The following MAP4K3 variants were observed in gnomAD, a reference collection of about 807,000 sequenced individuals.
MAP4K3 encodes the protein mitogen-activated protein kinase kinase kinase kinase 3, also known as MAPK/ERK kinase kinase kinase 3.
A neutral mutation model predicts 143.5 loss-of-function variants in MAP4K3; 94 were observed. That is an observed-to-expected ratio of 0.65 (90% CI 0.55 to 0.78). MAP4K3 has a LOEUF of 0.78. Ranked by LOEUF, MAP4K3 falls within the 30% of genes least tolerant of loss-of-function variation. The pLI is 0.00. For missense variants in MAP4K3, 1,077 were observed against 1,068.1 expected (o/e 1.01, Z -0.12); for synonymous variants, 416 against 347.2 (o/e 1.20, Z -2.20).
chr2:39,271,113 T>A (rs184381142), intron 26 of MAP4K3, among the ~76,000 whole-genome samples: 3 of 152,114 alleles, frequency 2.0e-5, no homozygotes, highest in African/African-American at 7.2e-5. Context: ...AAATTCAACT[T>A]TACTTGAATT....
At chr2:39,377,130 T>C (rs147298863) in intron 2 of MAP4K3, among the ~76,000 whole-genome samples, 4 of 149,876 alleles carry the variant, frequency 2.7e-5, no homozygotes, top group Non-Finnish European at 4.5e-5. Flanking sequence ...GAGCAAACTA[T>C]AGGGAAAGAG....
At chr2:39,256,803 T>G (rs1479964078) in intron 31 of MAP4K3, among the ~76,000 whole-genome samples, 2 of 152,038 alleles carry the variant, frequency 1.3e-5, no homozygotes, top group African/African-American at 4.8e-5. Context: ...ATGGGGGAGG[T>G]AGGTAAAAAA....
chr2:39,362,478 C>T (rs946932983), intron 2 of MAP4K3, among the ~76,000 whole-genome samples: 2 of 152,076 alleles, frequency 1.3e-5, no homozygotes, highest in Admixed American at 6.5e-5. Context: ...GCAACAGCAT[C>T]AAAAAGAATA....
rs7608492 is a variant in MAP4K3, at chr2:39,437,003, C to T, written c.-16G>A. On this transcript the variant is annotated 5_prime_UTR_variant, in exon 1 of 34. Coordinates refer to ENST00000263881, the MANE Select transcript of MAP4K3 (RefSeq NM_003618.4). ...CGGGGTTCATGGCGGGCCCCAGGTGCCCCCCGCCTCCCTCCCGGGCAGGGG... is the reference window on the plus strand; with the variant it reads ...CGGGGTTCATGGCGGGCCCCAGGTGTCCCCCGCCTCCCTCCCGGGCAGGGG... The T allele has an allele frequency of 3.1e-6, 5 of 1,600,586 alleles. No homozygotes were observed. In the Admixed American group the frequency reaches 8.4e-5, roughly 27 times the overall value.
chr2:39,407,786 G>A (rs545482773), intron 1 of MAP4K3, among the ~76,000 whole-genome samples: 1 of 152,118 alleles, frequency 6.6e-6, no homozygotes, highest in African/African-American at 2.4e-5. Flanking sequence ...ATGTTGCCCA[G>A]GCTGGTCTCA....
At chr2:39,360,225 C>T (rs1284209366) in intron 2 of MAP4K3, among the ~76,000 whole-genome samples, 2 of 152,230 alleles carry the variant, frequency 1.3e-5, no homozygotes, top group African/African-American at 4.8e-5. Context: ...TGCCGCCACT[C>T]TCTTTGCTAA....
intron 2 of MAP4K3, among the ~76,000 whole-genome samples, chr2:39,358,264 C>T (rs1385358747): frequency 3.9e-5 from 6 of 152,144 alleles, no homozygotes; most frequent in Non-Finnish European, 8.8e-5. Flanking sequence ...ATGTCTTTGC[C>T]TTCACTAGAA....
chr2:39,402,006 GA>G (rs1231599165), intron 1 of MAP4K3, among the ~76,000 whole-genome samples: 1 of 152,006 alleles, frequency 6.6e-6, no homozygotes, highest in Non-Finnish European at 1.5e-5. Context: ...CAATAAAACA[GA>G]TTCAAAAACA....
At chr2:39,371,392 T>C (rs1443737942) in intron 2 of MAP4K3, among the ~76,000 whole-genome samples, 2 of 152,196 alleles carry the variant, frequency 1.3e-5, no homozygotes, top group East Asian at 1.9e-4. Context: ...AGCTCTGCCA[T>C]CTGGGATGTA....
chr2:39,321,592 A>C (rs1683306055), intron 12 of MAP4K3, among the ~76,000 whole-genome samples: 1 of 152,144 alleles, frequency 6.6e-6, no homozygotes, highest in Non-Finnish European at 1.5e-5. Flanking sequence ...AGGGTCTGTA[A>C]TGAGGAGGAT....
intron 3 of MAP4K3, among the ~76,000 whole-genome samples, chr2:39,345,608 T>A (rs576265241): frequency 1.3e-5 from 2 of 152,148 alleles, no homozygotes; most frequent in African/African-American, 4.8e-5. Context: ...CAAGGTATCA[T>A]GATTCTAGAA....
intron 8 of MAP4K3, among the ~76,000 whole-genome samples, chr2:39,326,613 G>C (rs1683497147): frequency 6.6e-6 from 1 of 152,148 alleles, no homozygotes; most frequent in Non-Finnish European, 1.5e-5. Context: ...GACTGGTTTT[G>C]AAATGTAAAA....
chr2:39,335,503 G>A (rs939026860), intron 6 of MAP4K3, among the ~76,000 whole-genome samples: 4 of 152,132 alleles, frequency 2.6e-5, no homozygotes, highest in African/African-American at 9.7e-5. Context: ...TCTCTAATTA[G>A]TCTCATACAT....
At chr2:39,268,025 T>G (rs967183190) in intron 26 of MAP4K3, among the ~76,000 whole-genome samples, 1 of 152,156 alleles carries the variant, frequency 6.6e-6, no homozygotes, top group African/African-American at 2.4e-5. Flanking sequence ...TTACATGTAC[T>G]GTAAAAAGCT....
At chr2:39,403,378 G>A (rs1667003653) in intron 1 of MAP4K3, among the ~76,000 whole-genome samples, 1 of 152,184 alleles carries the variant, frequency 6.6e-6, no homozygotes, top group Non-Finnish European at 1.5e-5. Context: ...ATCACTGAAA[G>A]AGGCACTGAA....
intron 1 of MAP4K3, among the ~76,000 whole-genome samples, chr2:39,391,284 A>T (rs960024684): frequency 7.5e-6 from 1 of 132,780 alleles, no homozygotes; most frequent in Non-Finnish European, 1.6e-5. Context: ...GCGTGAACCC[A>T]GGCGGCAGAG....
chr2:39,280,894 A>T (rs1168509492), intron 22 of MAP4K3, among the ~76,000 whole-genome samples: 1 of 152,154 alleles, frequency 6.6e-6, no homozygotes, highest in Admixed American at 6.5e-5. Context: ...CAATCTGATT[A>T]TTTCCCTGGA....
chr2:39,436,232 C>A (rs1665469421), intron 1 of MAP4K3, among the ~76,000 whole-genome samples: 1 of 152,064 alleles, frequency 6.6e-6, no homozygotes, highest in African/African-American at 2.4e-5. Flanking sequence ...CAGTACCTTC[C>A]CTAAGTATTC....
intron 1 of MAP4K3, among the ~76,000 whole-genome samples, chr2:39,404,085 T>A (rs933249503): frequency 6.6e-6 from 1 of 151,864 alleles, no homozygotes; most frequent in Non-Finnish European, 1.5e-5. Context: ...AAAACCCAGG[T>A]AGTATGCTGT....
Sources: allele counts gnomAD v4.1 joint callset (sites outside exome capture counted in the v4.1 genomes callset), GRCh38; gene constraint gnomAD v4.1.1; transcripts MANE v1.5; gene names NCBI Gene and HGNC (gene_info 2026-07-23, HGNC 2026-07-21).